Variants in MRC2 observed in about 807,000 individuals in gnomAD.
The protein encoded by MRC2 is C-type mannose receptor 2.
Under a neutral mutation model 206.2 loss-of-function variants are expected in MRC2, and 84 were observed. That is an observed-to-expected ratio of 0.41 (90% CI 0.34 to 0.49). MRC2 has a LOEUF of 0.49. MRC2 is among the 20% of genes least tolerant of loss of function. The pLI is 0.31. For missense variants in MRC2, 1,676 were observed against 2,001.5 expected (o/e 0.84, Z 3.10); for synonymous variants, 798 against 800.0 (o/e 1.00, Z 0.04).
At position 62,680,019 on chromosome 17, in the gene MRC2, C is replaced by A; in HGVS notation, c.2298+117C>A. ...TTGAGGGCCGGGCCCCCAGTCGGAG[C>A]CGGCTTCAGGAAAGCAGGTCCGAGA... On this transcript the variant is annotated intron_variant, in intron 14 of 29. Coordinates refer to ENST00000303375, the MANE Select transcript of MRC2 (RefSeq NM_006039.5). The surrounding 1 kb of genome is among the most constrained non-coding windows in gnomAD (Gnocchi z 4.8). The A allele has an allele frequency of 2.0e-6, 3 of 1,478,386 alleles. No homozygotes were observed. The highest frequency in any genetic ancestry group is 2.7e-6 in the Non-Finnish European group (3 of 1,092,732). The allele number at this position is 1,478,386 out of a possible 1,614,324, so 91.6% of individuals were successfully genotyped here.
chr17:62,680,513 G>T lies in MRC2; in HGVS notation c.2473+60G>T. On this transcript the variant is annotated intron_variant, in intron 16 of 29. Coordinates refer to ENST00000303375, the MANE Select transcript of MRC2 (RefSeq NM_006039.5). The surrounding 1 kb of genome is among the most constrained non-coding windows in gnomAD (Gnocchi z 4.8). ...CGTGGGAGAGGGCGTCAACTCTGGG[G>T]TAAGTCCCGAGAGGCCTGAATGAAA... 6.2e-7 allele frequency: 1 copy of T among 1,604,674 alleles called. No individual in the cohort carries two copies. Among genetic ancestry groups the T allele is most frequent in the African/African-American group, 1.3e-5 (1 of 74,916 alleles).
chr17:62,665,027 T>A, intron 2 of MRC2, 78 bp downstream of exon 2: 1 of 1,470,630 alleles, frequency 6.8e-7, no homozygotes. Flanking sequence ...AGATTCCCAG[T>A]GACAAGGCCT....
chr17:62,633,339 A>T (rs1049253779), intron 1 of MRC2, among the ~76,000 whole-genome samples: 6 of 151,784 alleles, frequency 4.0e-5, no homozygotes, highest in African/African-American at 7.3e-5. Context: ...CATCTCTACT[A>T]AAAATACAAA....
chr17:62,640,725 C>T (rs1169169070), intron 1 of MRC2, among the ~76,000 whole-genome samples: 1 of 151,278 alleles, frequency 6.6e-6, no homozygotes, highest in East Asian at 1.9e-4. Context: ...CGCTCTGTCG[C>T]CCAGGCTGGA....
chr17:62,655,675 T>C (rs184919635), intron 1 of MRC2, among the ~76,000 whole-genome samples: 36 of 136,628 alleles, frequency 2.6e-4, no homozygotes, highest in Admixed American at 2.1e-3. Flanking sequence ...GCTATGATCA[T>C]GCCACTGCAC....
Position 62,674,124 on chromosome 17 carries a change from GC to G in MRC2, c.1525del (p.Gln509SerfsTer2). On this transcript the variant is annotated frameshift_variant, in exon 9 of 30. Transcript: ENST00000303375. LOFTEE classifies it high-confidence loss of function. ...QSLPSICKKA[G>X]QLSQGAAEED... Reference sequence around the variant, plus strand: ...TTGCCATCCATCTGCAAGAAGGCAGGCCAGCTGAGCCAGGGGGCCGCCGAGG... The same window carrying G: ...TTGCCATCCATCTGCAAGAAGGCAGGCAGCTGAGCCAGGGGGCCGCCGAGG... 1 of 1,555,452 alleles carries G rather than the reference GC, an allele frequency of 6.4e-7. No homozygotes were observed. The highest frequency in any genetic ancestry group is 8.7e-7 in the Non-Finnish European group (1 of 1,149,232).
At chr17:62,639,018 G>C (rs1188920160) in intron 1 of MRC2, among the ~76,000 whole-genome samples, 1 of 152,202 alleles carries the variant, frequency 6.6e-6, no homozygotes, top group African/African-American at 2.4e-5. Flanking sequence ...AGGAAATTCA[G>C]ATAGCAAGCT....
chr17:62,675,982 G>C lies in MRC2; in HGVS notation c.1685+77G>C. 2 of 1,238,678 alleles carry C rather than the reference G, an allele frequency of 1.6e-6. No individual in the cohort carries two copies. Among genetic ancestry groups the C allele is most frequent in the South Asian group, 2.5e-5 (2 of 80,718 alleles). The allele number at this position is 1,238,678 out of a possible 1,614,324, so 76.7% of individuals were successfully genotyped here. ...TGTGGTCCCTTCAGCAAACAGGGTAGCATCTGCCATCATGCCCAGAGGGAC... is the reference window on the plus strand; with the variant it reads ...TGTGGTCCCTTCAGCAAACAGGGTACCATCTGCCATCATGCCCAGAGGGAC... On this transcript the variant is annotated intron_variant, in intron 10 of 29. Transcript: ENST00000303375. The surrounding 1 kb of genome is among the most constrained non-coding windows in gnomAD (Gnocchi z 4.1).
chr17:62,629,652 C>T (rs1439559084), intron 1 of MRC2, among the ~76,000 whole-genome samples: 2 of 152,206 alleles, frequency 1.3e-5, no homozygotes, highest in Admixed American at 1.3e-4. Context: ...GTGCGCTTGC[C>T]CCTGCCCTGC....
In MRC2 at chr17:62,676,485, C is replaced by T. The variant is rs765420601; in HGVS notation, c.1788C>T (p.Leu596=). The T allele has an allele frequency of 5.0e-6, 8 of 1,612,712 alleles. No individual in the cohort carries two copies. The highest frequency in any genetic ancestry group is 1.1e-5 in the South Asian group (1 of 90,802). The change falls in exon 11 of 30, where the codon CTC becomes CTT. Residue 596 remains leucine, a synonymous_variant. Transcript: ENST00000303375. The part of the protein sequence containing the change: ...DLNSTGSFFW[L]SGDEVMYTHW... ...ACAGCACCGGCTCCTTCTTCTGGCTCAGTGGGGATGAAGTCATGTACACCC... is the reference window on the plus strand; with the variant it reads ...ACAGCACCGGCTCCTTCTTCTGGCTTAGTGGGGATGAAGTCATGTACACCC...
In MRC2 at chr17:62,671,787, G is replaced by A; in HGVS notation, c.1256G>A (p.Ser419Asn). The change falls in exon 7 of 30, where the codon AGC (serine) becomes AAC (asparagine). Residue 419 changes from serine (S) to asparagine (N), a missense_variant. Transcript: ENST00000303375. The surrounding 1 kb of genome is among the most constrained non-coding windows in gnomAD (Gnocchi z 4.5). ...ACLRGGGDLV[S>N]IHSMAELEFI... is the part of the protein sequence containing the mutation. ...CTACGGGGCGGTGGCGACCTGGTCA[G>A]CATCCACAGCATGGCGGAGCTGGAA... 6.2e-7 allele frequency: 1 copy of A among 1,611,010 alleles called. No homozygotes were observed. Among genetic ancestry groups the A allele is most frequent in the East Asian group, 2.2e-5 (1 of 44,810 alleles).
intron 1 of MRC2, among the ~76,000 whole-genome samples, chr17:62,641,297 C>T (rs1303673750): frequency 7.2e-6 from 1 of 139,606 alleles, no homozygotes; most frequent in Admixed American, 7.5e-5. Context: ...GCCTGGCCAA[C>T]AGACCGAGAC....
At chr17:62,645,480 A>G (rs187919127) in intron 1 of MRC2, among the ~76,000 whole-genome samples, 48 of 75,054 alleles carry the variant, frequency 6.4e-4, no homozygotes, top group African/African-American at 8.0e-4. Context: ...TACACATAAT[A>G]TGTGTGTGTG....
At chr17:62,650,093 C>A (rs2088538007) in intron 1 of MRC2, among the ~76,000 whole-genome samples, 2 of 152,064 alleles carry the variant, frequency 1.3e-5, no homozygotes, top group African/African-American at 4.8e-5. Context: ...CGGTGTCTCA[C>A]CATGTTGGCC....
intron 28 of MRC2, among the ~76,000 whole-genome samples, chr17:62,691,669 G>GC (rs1368941751): frequency 6.6e-6 from 1 of 151,644 alleles, no homozygotes; most frequent in Non-Finnish European, 1.5e-5. Flanking sequence ...TACTTAGGAG[G>GC]CTGAGGCATG....
chr17:62,646,872 A>C (rs1426792405), intron 1 of MRC2, among the ~76,000 whole-genome samples: 4 of 152,234 alleles, frequency 2.6e-5, no homozygotes, highest in African/African-American at 9.6e-5. Flanking sequence ...AAAGAGAAGA[A>C]AATAAAAATC....
intron 1 of MRC2, among the ~76,000 whole-genome samples, chr17:62,637,680 C>T (rs2088342039): frequency 6.6e-6 from 1 of 152,144 alleles, no homozygotes; most frequent in African/African-American, 2.4e-5. Flanking sequence ...CTGCCAGGAG[C>T]ACCAGCTTCC....
intron 20 of MRC2, among the ~76,000 whole-genome samples, chr17:62,683,213 A>G (rs1456854057): frequency 6.6e-6 from 1 of 152,196 alleles, no homozygotes; most frequent in Non-Finnish European, 1.5e-5. Flanking sequence ...TCATGCCTGT[A>G]ATCCCAGCCC....
In MRC2 at chr17:62,638,476, A is replaced by G. The variant is rs143064816; in HGVS notation, c.118+10556A>G. ...TGAGGATGGCCGGGCGTGGTGGTTC[A>G]TGCCTATAATCCCAGCCCTTTGGGA... On this transcript the variant is annotated intron_variant, in intron 1 of 29. Coordinates refer to ENST00000303375, the MANE Select transcript of MRC2 (RefSeq NM_006039.5). Among the ~76,000 whole-genome samples, 622 of 152,072 alleles carry G rather than the reference A, an allele frequency of 4.1e-3. 4 individuals carry two copies. Among genetic ancestry groups the G allele is most frequent in the African/African-American group, 0.014 (594 of 41,488 alleles).
Sources: allele counts gnomAD v4.1 joint callset (sites outside exome capture counted in the v4.1 genomes callset), GRCh38; gene constraint gnomAD v4.1.1; non-coding constraint Gnocchi (gnomAD v3.1); transcripts MANE v1.5; gene names NCBI Gene and HGNC (gene_info 2026-07-23, HGNC 2026-07-21).